MALRD1: variants seen among roughly 807,000 people sequenced by gnomAD.
MALRD1 encodes MAM and LDL-receptor class A domain-containing protein 1.
MALRD1 carries 247 observed loss-of-function variants against 242.1 expected under a neutral mutation model. The ratio of observed to expected loss-of-function variants is 1.02; its 90% CI spans 0.92 to 1.13. The LOEUF is 1.13. MALRD1 is among the 50% of genes most tolerant of loss of function. MALRD1 has a pLI of 0.00. For missense variants in MALRD1, 2,989 were observed against 2,533.1 expected, an observed-to-expected ratio of 1.18 and a Z score of -3.86; for synonymous variants, 995 against 866.6, an observed-to-expected ratio of 1.15 and a Z score of -2.60.
chr10:19,490,362 C>T lies in MALRD1; in HGVS notation c.5030-1155C>T, dbSNP rs187673841. Among the ~76,000 whole-genome samples the T allele has an allele frequency of 5.9e-5, 9 of 151,964 alleles. No homozygotes were observed. The East Asian group carries it at 1.5e-3, about 26-fold the overall frequency. On this transcript the variant is annotated intron_variant, in intron 29 of 39. Transcript: ENST00000454679. Reference sequence around the variant, plus strand: ...TAGACATTTAAATAATCTTAAAAACCATGTGAAGGGACATAAACCCGGTCG... The same window carrying T: ...TAGACATTTAAATAATCTTAAAAACTATGTGAAGGGACATAAACCCGGTCG...
chr10:19,222,883 G>A (rs1837622605), intron 18 of MALRD1, among the ~76,000 whole-genome samples: 1 of 152,160 alleles, frequency 6.6e-6, no homozygotes, highest in Non-Finnish European at 1.5e-5. Context: ...AGAAAAAGGT[G>A]TGGGGCCTCT....
At chr10:19,660,561 G>A (rs768611836) in intron 36 of MALRD1, among the ~76,000 whole-genome samples, 3 of 152,062 alleles carry the variant, frequency 2.0e-5, no homozygotes, top group Non-Finnish European at 4.4e-5. Flanking sequence ...AGTACCTTAT[G>A]CACTACCTTC....
chr10:19,337,135 C>T (rs545285099), intron 24 of MALRD1, among the ~76,000 whole-genome samples: 3 of 151,788 alleles, frequency 2.0e-5, no homozygotes, highest in African/African-American at 7.3e-5. Context: ...AGTAAACTTT[C>T]ATATACATAT....
At chr10:19,636,672 G>A (rs1421562236) in intron 36 of MALRD1, among the ~76,000 whole-genome samples, 2 of 152,116 alleles carry the variant, frequency 1.3e-5, no homozygotes, top group African/African-American at 4.8e-5. Flanking sequence ...GCCGTGGCGA[G>A]TGGATCACCT....
intron 26 of MALRD1, among the ~76,000 whole-genome samples, chr10:19,375,215 T>A (rs931708726): frequency 6.6e-6 from 1 of 152,230 alleles, no homozygotes; most frequent in African/African-American, 2.4e-5. Flanking sequence ...ACTTTCAATA[T>A]TCCCCAAAGT....
At chr10:19,384,818 A>G (rs1364273681) in intron 26 of MALRD1, among the ~76,000 whole-genome samples, 1 of 150,352 alleles carries the variant, frequency 6.7e-6, no homozygotes, top group African/African-American at 2.4e-5. Context: ...TAGAAGTGCC[A>G]AGACTGGGCA....
At chr10:19,248,954 A>C (rs1839180986) in intron 18 of MALRD1, among the ~76,000 whole-genome samples, 1 of 146,672 alleles carries the variant, frequency 6.8e-6, no homozygotes, top group South Asian at 2.1e-4. Context: ...AATATAAATT[A>C]TATATTATAT....
chr10:19,604,965 G>C (rs1005092704), intron 34 of MALRD1, among the ~76,000 whole-genome samples: 1 of 151,934 alleles, frequency 6.6e-6, no homozygotes, highest in Non-Finnish European at 1.5e-5. Flanking sequence ...TTATCTTTAA[G>C]ATTTTGCTTT....
chr10:19,404,872 A>G (rs538318193), intron 28 of MALRD1, among the ~76,000 whole-genome samples: 39 of 152,290 alleles, frequency 2.6e-4, no homozygotes, highest in African/African-American at 8.9e-4. Context: ...ATCTTCTCAT[A>G]TATGGTGAGC....
chr10:19,252,119 A>T (rs2131788421), intron 18 of MALRD1, among the ~76,000 whole-genome samples: 1 of 152,216 alleles, frequency 6.6e-6, no homozygotes, highest in East Asian at 1.9e-4. Context: ...GAACTAATAA[A>T]GTAGGTGAAG....
chr10:19,270,752 C>T (rs1264697716), intron 19 of MALRD1, among the ~76,000 whole-genome samples: 4 of 149,926 alleles, frequency 2.7e-5, no homozygotes, highest in Non-Finnish European at 5.9e-5. Flanking sequence ...AATTGTTAGC[C>T]TAAAGCAAAG....
intron 38 of MALRD1, among the ~76,000 whole-genome samples, chr10:19,695,393 A>G (rs1833329290): frequency 6.6e-6 from 1 of 152,154 alleles, no homozygotes; most frequent in Non-Finnish European, 1.5e-5. Flanking sequence ...CACTGCTAAT[A>G]AAGACATACC....
intron 28 of MALRD1, among the ~76,000 whole-genome samples, chr10:19,411,214 A>T (rs893026475): frequency 1.3e-5 from 2 of 152,142 alleles, no homozygotes; most frequent in Non-Finnish European, 2.9e-5. Context: ...TATTGTTCAG[A>T]CTCCATGAGG....
intron 39 of MALRD1, 111 bp downstream of exon 39, chr10:19,730,892 T>A (rs1186694225): frequency 3.0e-6 from 3 of 1,002,428 alleles, no homozygotes; most frequent in Middle Eastern, 2.7e-4. Context: ...ACATCATAAC[T>A]AAAAGAAATG....
intron 33 of MALRD1, among the ~76,000 whole-genome samples, chr10:19,581,823 G>T (rs1383793060): frequency 1.9e-4 from 28 of 151,116 alleles, no homozygotes; most frequent in South Asian, 8.4e-4. Context: ...TGAACTAGTT[G>T]ACAGTCCCAC....
chr10:19,296,107 TG>T (rs961150977), intron 21 of MALRD1, among the ~76,000 whole-genome samples: 2 of 152,048 alleles, frequency 1.3e-5, no homozygotes, highest in African/African-American at 2.4e-5. Flanking sequence ...ACTGCAAGGG[TG>T]GGCCGCCAAC....
intron 21 of MALRD1, among the ~76,000 whole-genome samples, chr10:19,307,502 C>T (rs11009391): frequency 6.6e-6 from 1 of 151,488 alleles, no homozygotes; most frequent in East Asian, 2.0e-4. Flanking sequence ...TCATAAAATA[C>T]AGTTTCAGTG....
chr10:19,289,980 C>A (rs1841328602), intron 21 of MALRD1, among the ~76,000 whole-genome samples: 1 of 152,002 alleles, frequency 6.6e-6, no homozygotes, highest in African/African-American at 2.4e-5. Flanking sequence ...AAAAAACCCA[C>A]AATAATATAT....
At chr10:19,467,392 C>CA (rs71387079) in intron 29 of MALRD1, among the ~76,000 whole-genome samples, 3,963 of 53,714 alleles carry the variant, frequency 0.074, 479 homozygotes, top group African/African-American at 0.24. Flanking sequence ...GACTCCGTCT[C>CA]AAAAAAAAAA....
Sources: gnomAD v4.1 joint callset for allele counts (sites outside exome capture counted in the v4.1 genomes callset) on GRCh38, gnomAD v4.1.1 for gene constraint, MANE v1.5 for transcripts, NCBI Gene and HGNC (gene_info 2026-07-23, HGNC 2026-07-21) for gene names.